The following WNT10A variants were observed in gnomAD, a reference collection of about 807,000 sequenced individuals.
The protein encoded by WNT10A is protein Wnt-10a.
A neutral mutation model predicts 36.1 loss-of-function variants in WNT10A; 37 were observed. The ratio of observed to expected loss-of-function variants is 1.02; its 90% CI spans 0.79 to 1.35. The LOEUF is 1.35. Among genes scored for constraint, WNT10A ranks in the 40% most tolerant of loss-of-function variants. The pLI, the probability that WNT10A is intolerant of heterozygous loss-of-function variation, is 0.00. For synonymous variants in WNT10A, 255 were observed against 254.1 expected (o/e 1.00, Z -0.03); for missense variants, 613 against 601.4 (o/e 1.02, Z -0.20).
upstream of WNT10A, chr2:218,880,793 CG>C (rs1944501976): frequency 2.0e-6 from 1 of 505,208 alleles, no homozygotes; most frequent in East Asian, 3.5e-5. This position sits in a 1 kb window ranked among gnomAD's most constrained non-coding sequence, Gnocchi z 7.7. Context: ...CTTCACCCCC[CG>C]CCCCCCCCGA....
Position 218,892,823 on chromosome 2 carries a change from G to A in WNT10A, c.806G>A (p.Gly269Asp). 6.3e-7 allele frequency: 1 copy of A among 1,596,634 alleles called. No homozygotes were observed. Among genetic ancestry groups the A allele is most frequent in the Non-Finnish European group, 8.5e-7 (1 of 1,173,136 alleles). The change falls in exon 4 of 4, where the codon GGC (glycine) becomes GAC (aspartate). Residue 269 changes from glycine (G) to aspartate (D), a missense_variant. Gly to Asp is a moderately conservative substitution (Grantham distance 94). Transcript: ENST00000258411. The stretch of plus-strand genomic sequence containing the variant: ...AAGTGCAAGTGCCACGGCACGTCAG[G>A]CAGCTGCCAGCTCAAGACGTGCTGG... ...RRKCKCHGTS[G>D]SCQLKTCWQV...
chr2:218,880,156 A>T (rs1944492257), upstream of WNT10A, among the ~76,000 whole-genome samples: 1 of 152,044 alleles, frequency 6.6e-6, no homozygotes, highest in South Asian at 2.1e-4. This position sits in a 1 kb window ranked among gnomAD's most constrained non-coding sequence, Gnocchi z 7.7. Context: ...CTGGCGGAGG[A>T]GGCGAAACAC....
intron 3 of WNT10A, among the ~76,000 whole-genome samples, chr2:218,891,207 T>C (rs929544370): frequency 2.0e-5 from 3 of 152,130 alleles, no homozygotes; most frequent in Admixed American, 1.3e-4. Flanking sequence ...CCAGGCAGGG[T>C]TCATCCCCAG....
chr2:218,887,181 C>T (rs1158694885), intron 2 of WNT10A, among the ~76,000 whole-genome samples: 1 of 152,158 alleles, frequency 6.6e-6, no homozygotes. Flanking sequence ...GACCTGGGAG[C>T]TGGGAGAGCT....
chr2:218,876,466 G>A (rs1459391825), upstream of WNT10A, among the ~76,000 whole-genome samples: 1 of 152,158 alleles, frequency 6.6e-6, no homozygotes, highest in Non-Finnish European at 1.5e-5. Context: ...GGCTCATGGT[G>A]GGGAGGGGTG....
upstream of WNT10A, among the ~76,000 whole-genome samples, chr2:218,875,991 A>G (rs1944450342): frequency 6.6e-6 from 1 of 152,186 alleles, no homozygotes; most frequent in Non-Finnish European, 1.5e-5. Context: ...GTGGTGTCAC[A>G]GGCTTCTTTC....
Position 218,893,520 on chromosome 2 carries a change from C to G in WNT10A, c.*249C>G. The stretch of plus-strand genomic sequence containing the variant: ...TCTTCCTCCCTCCCCGAAGCCCAGA[C>G]AGTTCAGTTGGGCTGGGGGTTGCTC... On this transcript the variant is annotated 3_prime_UTR_variant, in exon 4 of 4. Coordinates refer to ENST00000258411, the MANE Select transcript of WNT10A (RefSeq NM_025216.3). This position sits in a 1 kb window ranked among gnomAD's most constrained non-coding sequence, Gnocchi z 6.3. 2 of 473,992 alleles carry G rather than the reference C, an allele frequency of 4.2e-6. No homozygotes were observed. Among genetic ancestry groups the G allele is most frequent in the Non-Finnish European group, 7.1e-6 (2 of 280,660 alleles). The allele number at this position is 473,992 out of a possible 1,614,324, so 29.4% of individuals were successfully genotyped here.
At chr2:218,877,716 C>T (rs1944464884), upstream of WNT10A, among the ~76,000 whole-genome samples, 1 of 152,180 alleles carries the variant, frequency 6.6e-6, no homozygotes, top group African/African-American at 2.4e-5. This position sits in a 1 kb window ranked among gnomAD's most constrained non-coding sequence, Gnocchi z 4.1. Flanking sequence ...GCTCGGGGAA[C>T]AATTCCCTTC....
At chr2:218,888,556 G>A (rs1944609341) in intron 2 of WNT10A, among the ~76,000 whole-genome samples, 1 of 152,204 alleles carries the variant, frequency 6.6e-6, no homozygotes, top group South Asian at 2.1e-4. Context: ...CAGGACCCTG[G>A]GCTTCCCTCT....
At chr2:218,884,665 T>TG (rs1186865578) in intron 2 of WNT10A, among the ~76,000 whole-genome samples, 1 of 152,164 alleles carries the variant, frequency 6.6e-6, no homozygotes, top group African/African-American at 2.4e-5. Context: ...TTCATCCTCC[T>TG]GGGGGGCAGT....
chr2:218,877,223 A>G (rs564128680), upstream of WNT10A, among the ~76,000 whole-genome samples: 1 of 152,352 alleles, frequency 6.6e-6, no homozygotes, highest in South Asian at 2.1e-4. This position sits in a 1 kb window ranked among gnomAD's most constrained non-coding sequence, Gnocchi z 4.1. Context: ...CTATCTGAGC[A>G]CTTCCTATCA....
Position 218,893,115 on chromosome 2 carries a change from C to T in WNT10A, c.1098C>T (p.Ser366=), listed in dbSNP as rs748882359. ...GTVGRLCNKS[S]AGSDGCGSMC... The stretch of plus-strand genomic sequence containing the variant: ...TGGGCCGCCTGTGCAACAAGAGCAG[C>T]GCCGGCTCGGATGGCTGCGGCAGCA... Residue 366 remains serine, a synonymous_variant, in exon 4 of 4, where the codon AGC becomes AGT. Coordinates refer to ENST00000258411, the MANE Select transcript of WNT10A (RefSeq NM_025216.3). This position sits in a 1 kb window ranked among gnomAD's most constrained non-coding sequence, Gnocchi z 6.3. 8.1e-6 allele frequency: 13 copies of T among 1,595,364 alleles called. No homozygotes were observed. The highest frequency in any genetic ancestry group is 3.4e-4 in the Middle Eastern group (2 of 5,818).
At chr2:218,888,570 G>A (rs567471147) in intron 2 of WNT10A, among the ~76,000 whole-genome samples, 64 of 152,304 alleles carry the variant, frequency 4.2e-4, no homozygotes, top group Middle Eastern at 3.4e-3. Flanking sequence ...TCCCTCTAGC[G>A]TACCTCCAAC....
upstream of WNT10A, chr2:218,880,648 G>T: frequency 4.0e-6 from 1 of 249,466 alleles, no homozygotes; most frequent in Admixed American, 5.9e-5. This position sits in a 1 kb window ranked among gnomAD's most constrained non-coding sequence, Gnocchi z 7.7. Flanking sequence ...GGGTTCCCCG[G>T]CACCCCAGCC....
chr2:218,885,115 C>T (rs1278588693), intron 2 of WNT10A, among the ~76,000 whole-genome samples: 1 of 152,128 alleles, frequency 6.6e-6, no homozygotes, highest in African/African-American at 2.4e-5. Flanking sequence ...AAAGGTGAGG[C>T]ATGCAATAGG....
In WNT10A at chr2:218,882,396, C is replaced by G; in HGVS notation, c.349C>G (p.Pro117Ala). The change falls in exon 2 of 4, where the codon CCC (proline) becomes GCC (alanine). Residue 117 changes from proline (P) to alanine (A), a missense_variant. Transcript: ENST00000258411. ...CSSLETRNKI[P>A]YESPIFSRGF... ...AAGCCTGGAGACTCGCAACAAGATC[C>G]CCTATGAGAGTCCCATCTTCAGCAG... 6.2e-7 allele frequency: 1 copy of G among 1,614,162 alleles called. No individual in the cohort carries two copies. Among genetic ancestry groups the G allele is most frequent in the South Asian group, 1.1e-5 (1 of 91,076 alleles).
chr2:218,892,188 C>T (rs201873581), intron 3 of WNT10A, among the ~76,000 whole-genome samples: 1 of 152,072 alleles, frequency 6.6e-6, no homozygotes, highest in African/African-American at 2.4e-5. Context: ...TTCCCCAGCA[C>T]TTGTCCCCCT....
At chr2:218,874,147 A>G in the WNT10A span, 1 of 391,064 alleles carries the variant, frequency 2.6e-6, no homozygotes, top group African/African-American at 2.1e-5. Context: ...AAGCCAGTCT[A>G]AAGGCCTCTG....
intron 3 of WNT10A, among the ~76,000 whole-genome samples, chr2:218,892,142 G>A (rs1430779559): frequency 2.0e-5 from 3 of 152,078 alleles, no homozygotes; most frequent in Non-Finnish European, 2.9e-5. Flanking sequence ...TCAGCATAGT[G>A]CAGAATGAGC....
Sources: allele counts gnomAD v4.1 joint callset (sites outside exome capture counted in the v4.1 genomes callset), GRCh38; gene constraint gnomAD v4.1.1; non-coding constraint Gnocchi (gnomAD v3.1); transcripts MANE v1.5; gene names NCBI Gene and HGNC (gene_info 2026-07-23, HGNC 2026-07-21).